Variants in KLC2 observed in about 807,000 individuals in gnomAD.
The protein encoded by KLC2 is kinesin light chain 2, also known as KLC 2.
A neutral mutation model predicts 75.1 loss-of-function variants in KLC2; 35 were observed. The observed-to-expected ratio is 0.47, with a 90% confidence interval of 0.36 to 0.62. The LOEUF is 0.62. Ranked by LOEUF, KLC2 falls within the 20% of genes least tolerant of loss-of-function variation. The pLI is 0.00. For missense variants in KLC2, 611 were observed against 833.2 expected, an observed-to-expected ratio of 0.73 and a Z score of 3.28; for synonymous variants, 314 against 336.7, an observed-to-expected ratio of 0.93 and a Z score of 0.74.
chr11:66,250,205 T>TA, the KLC2 span, among the ~76,000 whole-genome samples: 3 of 152,124 alleles, frequency 2.0e-5, no homozygotes, highest in Non-Finnish European at 4.4e-5. Flanking sequence ...TCTTCAGTCA[T>TA]AGAGTTCACT....
chr11:66,260,879 GC>G (rs1226278007), intron 2 of KLC2: 2 of 152,020 alleles, frequency 1.3e-5, no homozygotes, highest in Non-Finnish European at 2.9e-5. Flanking sequence ...ACAGGCGTGA[GC>G]CACCGTGCCT....
At chr11:66,264,008 G>A in intron 7 of KLC2, 38 bp from the exon 8 acceptor site, 1 of 1,611,014 alleles carries the variant, frequency 6.2e-7, no homozygotes, top group East Asian at 2.2e-5. Context: ...GGCCCGGGCA[G>A]CCCTGAGCCC....
chr11:66,265,317 C>T (rs753006710), intron 11 of KLC2, 82 bp downstream of exon 11: 6 of 1,220,196 alleles, frequency 4.9e-6, no homozygotes, highest in Non-Finnish European at 5.9e-6. Flanking sequence ...CAACACACCC[C>T]TCCTCTGCTG....
chr11:66,264,881 G>A, intron 9 of KLC2, 142 bp from the exon 10 acceptor site: 1 of 703,040 alleles, frequency 1.4e-6, no homozygotes. Flanking sequence ...AAGAGGGTCA[G>A]CAGTGTTTTG....
chr11:66,252,325 C>A (rs960471845), upstream of KLC2, among the ~76,000 whole-genome samples: 3 of 152,198 alleles, frequency 2.0e-5, no homozygotes, highest in South Asian at 2.1e-4. Context: ...TCGCTCTGTC[C>A]CCCAGGCTGG....
intron 4 of KLC2, 107 bp downstream of exon 4, chr11:66,262,299 C>A: frequency 1.2e-6 from 1 of 840,866 alleles, no homozygotes; most frequent in Non-Finnish European, 2.0e-6. Flanking sequence ...CTGATCATGA[C>A]ATCCTAGTGT....
At chr11:66,248,799 C>A in the KLC2 span, among the ~76,000 whole-genome samples, 1 of 152,270 alleles carries the variant, frequency 6.6e-6, no homozygotes, top group African/African-American at 2.4e-5. Flanking sequence ...GTGGTGCCAA[C>A]CTAGTTCACT....
rs1187475457 is a variant in KLC2, at chr11:66,265,889, A to G, written c.1479A>G (p.Glu493=). The G allele has an allele frequency of 6.3e-7, 1 of 1,578,708 alleles. No homozygotes were observed. Among genetic ancestry groups the G allele is most frequent in the African/African-American group, 1.3e-5 (1 of 74,410 alleles). ...CCGCAAGCCAGACCAAGGTGGTAGAACTGCTGAAAGATGGCAGTGGCAGGC... is the reference window on the plus strand; with the variant it reads ...CCGCAAGCCAGACCAAGGTGGTAGAGCTGCTGAAAGATGGCAGTGGCAGGC... ...LDPASQTKVV[E]LLKDGSGRRG... is the part of the protein sequence containing the mutation. Residue 493 remains glutamate, a synonymous_variant, in exon 13 of 16, where the codon GAA becomes GAG. Coordinates refer to ENST00000394067, the MANE Select transcript of KLC2 (RefSeq NM_001318734.2).
At chr11:66,252,347 G>A (rs867008095), upstream of KLC2, among the ~76,000 whole-genome samples, 18 of 152,074 alleles carry the variant, frequency 1.2e-4, no homozygotes, top group African/African-American at 3.9e-4. Context: ...GTGCAGTGGC[G>A]CGATCTCGGC....
chr11:66,257,136 G>A (rs1856070955), upstream of KLC2, among the ~76,000 whole-genome samples: 3 of 152,196 alleles, frequency 2.0e-5, no homozygotes, highest in African/African-American at 7.2e-5. Context: ...GTCTATCAGA[G>A]GAAATTTTTG....
chr11:66,263,698 A>C lies in KLC2; in HGVS notation c.791A>C (p.Asn264Thr). 5.0e-6 allele frequency: 8 copies of C among 1,614,060 alleles called. No homozygotes were observed. Among genetic ancestry groups the C allele is most frequent in the Non-Finnish European group, 6.8e-6 (8 of 1,179,960 alleles). ...TACAAGGAGGCTGCCCACCTGCTCA[A>C]TGATGCTCTGGCCATCCGGGAGAAA... ...NKYKEAAHLL[N>T]DALAIREKTL... Residue 264 changes from asparagine (N) to threonine (T), a missense_variant, in exon 6 of 16, where the codon AAT (asparagine) becomes ACT (threonine). Transcript: ENST00000394067.
rs1856905535 is a variant in KLC2, at chr11:66,267,342, T to C, written c.*386T>C. On this transcript the variant is annotated 3_prime_UTR_variant, in exon 16 of 16. Coordinates refer to ENST00000394067, the MANE Select transcript of KLC2 (RefSeq NM_001318734.2). ...TCAACCCGGCCGTTGCTTCTGTATA[T>C]AGAGAAATAAGTTATTGGCCGCGCG... 2.7e-6 allele frequency: 2 copies of C among 753,906 alleles called. No individual in the cohort carries two copies. Among genetic ancestry groups the C allele is most frequent in the Non-Finnish European group, 4.8e-6 (2 of 418,692 alleles). 46.7% of individuals were successfully genotyped at this position (753,906 alleles called of 1,614,324 possible). A position where few individuals can be genotyped will look rare whatever the true frequency, so the allele number is the denominator to read the frequency against.
rs796472372 is a variant in KLC2, at chr11:66,267,193, G to C, written c.*237G>C. ...CAGCAGGGCCCTCTTCCCTAGGTTC[G>C]GGCCAGCAGGAGGTGCCGGCTGGAG... On this transcript the variant is annotated 3_prime_UTR_variant, in exon 16 of 16. Coordinates refer to ENST00000394067, the MANE Select transcript of KLC2 (RefSeq NM_001318734.2). The C allele has an allele frequency of 1.4e-5, 22 of 1,549,638 alleles. No individual in the cohort carries two copies. In the African/African-American group the frequency reaches 3.0e-4, roughly 21 times the overall value.
chr11:66,264,954 G>A, intron 9 of KLC2, 69 bp from the exon 10 acceptor site: 6 of 1,524,226 alleles, frequency 3.9e-6, no homozygotes, highest in Non-Finnish European at 5.4e-6. Flanking sequence ...CCTGACCCCA[G>A]TCCTGTGTCC....
upstream of KLC2, among the ~76,000 whole-genome samples, chr11:66,256,815 G>C (rs914733906): frequency 6.6e-6 from 1 of 152,224 alleles, no homozygotes; most frequent in South Asian, 2.1e-4. Flanking sequence ...CCTTATTATG[G>C]GGGGACGTCC....
chr11:66,265,379 C>G, intron 11 of KLC2, 144 bp downstream of exon 11: 1 of 748,050 alleles, frequency 1.3e-6, no homozygotes, highest in South Asian at 1.8e-5. Context: ...AAGGCTCTGT[C>G]TCCCAATTCT....
At chr11:66,263,797 G>C in intron 6 of KLC2, 50 bp downstream of exon 6, 4 of 1,603,800 alleles carry the variant, frequency 2.5e-6, no homozygotes, top group Non-Finnish European at 3.4e-6. Flanking sequence ...TCCCCTGCAG[G>C]TCCCAGAGTC....
chr11:66,251,527 C>T, the KLC2 span, among the ~76,000 whole-genome samples: 3 of 133,108 alleles, frequency 2.3e-5, no homozygotes, highest in African/African-American at 7.8e-5. Context: ...TGGCTCAGCA[C>T]CTTGGGAGGC....
intron 11 of KLC2, 88 bp from the exon 12 acceptor site, chr11:66,265,567 A>C: frequency 9.1e-7 from 1 of 1,097,544 alleles, no homozygotes; most frequent in Non-Finnish European, 1.3e-6. Flanking sequence ...CCGGAGGTCC[A>C]TGCTTCCTCA....
Sources: gnomAD v4.1 joint callset for allele counts (sites outside exome capture counted in the v4.1 genomes callset) on GRCh38, gnomAD v4.1.1 for gene constraint, MANE v1.5 for transcripts, NCBI Gene and HGNC (gene_info 2026-07-23, HGNC 2026-07-21) for gene names.